The following GPRIN3 variants were observed in gnomAD, a reference collection of about 807,000 sequenced individuals.
GPRIN3 encodes the protein G protein-regulated inducer of neurite outgrowth 3.
A neutral mutation model predicts 13.7 loss-of-function variants in GPRIN3; 12 were observed. The observed-to-expected ratio is 0.87, with a 90% confidence interval of 0.56 to 1.42. The LOEUF is 1.42. Among genes scored for constraint, GPRIN3 ranks in the 40% most tolerant of loss-of-function variants. The pLI is 0.00. For missense variants in GPRIN3, 1,009 were observed against 958.7 expected (o/e 1.05, Z -0.69); for synonymous variants, 377 against 372.7 (o/e 1.01, Z -0.13).
chr4:89,297,145 G>A (rs903488035), intron 1 of GPRIN3, among the ~76,000 whole-genome samples: 1 of 152,102 alleles, frequency 6.6e-6, no homozygotes, highest in African/African-American at 2.4e-5. Flanking sequence ...TCTAGAATGG[G>A]GAATTATTAA....
intron 1 of GPRIN3, among the ~76,000 whole-genome samples, chr4:89,275,136 CTG>C (rs56091424): frequency 2.8e-4 from 41 of 149,068 alleles, no homozygotes; most frequent in Non-Finnish European, 3.3e-4. Context: ...CTAAGTAACT[CTG>C]TGTGTGTGTG....
intron 1 of GPRIN3, among the ~76,000 whole-genome samples, chr4:89,286,354 T>G (rs1478526480): frequency 6.6e-6 from 1 of 152,160 alleles, no homozygotes; most frequent in African/African-American, 2.4e-5. Flanking sequence ...ATAATGATGG[T>G]CTGCAAAATC....
At position 89,244,086 on chromosome 4, in the gene GPRIN3, G is replaced by C. The variant is rs1438311371; in HGVS notation, c.*3694C>G. 1 of 152,062 alleles carries C rather than the reference G, an allele frequency of 6.6e-6. No homozygotes were observed. The highest frequency in any genetic ancestry group is 1.5e-5 in the Non-Finnish European group (1 of 68,002). 9.4% of individuals were successfully genotyped at this position (152,062 alleles called of 1,614,324 possible). ...TCTGTTCTTGGTATGCTATATATAG[G>C]GATTCTCAGAATGACAGGCATTCCC... On this transcript the variant is annotated 3_prime_UTR_variant, in exon 2 of 2. Transcript: ENST00000609438.
chr4:89,290,870 G>A (rs1341967832), intron 1 of GPRIN3, among the ~76,000 whole-genome samples: 2 of 152,258 alleles, frequency 1.3e-5, no homozygotes, highest in East Asian at 3.9e-4. Flanking sequence ...CACACAAACA[G>A]CAGAGGACAC....
At chr4:89,278,754 G>T (rs1724163183) in intron 1 of GPRIN3, among the ~76,000 whole-genome samples, 1 of 152,210 alleles carries the variant, frequency 6.6e-6, no homozygotes. Context: ...TAAGTAACTT[G>T]CTCCAGGTTG....
chr4:89,247,591 A>C lies in GPRIN3; in HGVS notation c.*189T>G, dbSNP rs114316283. ...TTTCTCTTTTCTTGTTCCTTCTTTC[A>C]AATTGAAATGACATTTTTGTTTATA... On this transcript the variant is annotated 3_prime_UTR_variant, in exon 2 of 2. Transcript: ENST00000609438. The C allele has an allele frequency of 0.018, 9,438 of 519,070 alleles. 108 individuals carry two copies. Among genetic ancestry groups the C allele is most frequent in the Non-Finnish European group, 0.024 (7,138 of 298,366 alleles). The allele number at this position is 519,070 out of a possible 1,614,324, so 32.2% of individuals were successfully genotyped here. A position where few individuals can be genotyped will look rare whatever the true frequency, so the allele number is the denominator to read the frequency against.
At position 89,247,364 on chromosome 4, in the gene GPRIN3, C is replaced by T. The variant is rs190761938; in HGVS notation, c.*416G>A. ...AGACTAGAAATTATAACAATGTTTT[C>T]GCCAATAGTGTTTTTGCTACTTTCA... On this transcript the variant is annotated 3_prime_UTR_variant, in exon 2 of 2. Coordinates refer to ENST00000609438, the MANE Select transcript of GPRIN3 (RefSeq NM_198281.3). 299 of 156,242 alleles carry T rather than the reference C, an allele frequency of 1.9e-3. 2 individuals are homozygous for T. The highest frequency in any genetic ancestry group is 6.6e-3 in the African/African-American group (275 of 41,586). 9.7% of individuals were successfully genotyped at this position (156,242 alleles called of 1,614,324 possible). A position where few individuals can be genotyped will look rare whatever the true frequency, so the allele number is the denominator to read the frequency against.
At chr4:89,286,175 G>C (rs1724409368) in intron 1 of GPRIN3, among the ~76,000 whole-genome samples, 1 of 151,924 alleles carries the variant, frequency 6.6e-6, no homozygotes, top group Non-Finnish European at 1.5e-5. Flanking sequence ...TTGAGGAGTT[G>C]TGATATTCTC....
At chr4:89,293,256 G>C (rs1444973959) in intron 1 of GPRIN3, among the ~76,000 whole-genome samples, 1 of 152,136 alleles carries the variant, frequency 6.6e-6, no homozygotes, top group Non-Finnish European at 1.5e-5. Context: ...TCCTTTTATG[G>C]GCTAGCATCC....
intron 1 of GPRIN3, among the ~76,000 whole-genome samples, chr4:89,265,176 C>T (rs1028460528): frequency 1.3e-5 from 2 of 152,092 alleles, no homozygotes; most frequent in African/African-American, 2.4e-5. Context: ...AGTTCAAATG[C>T]TAAGCAATAC....
chr4:89,240,550 C>T lies in GPRIN3; in HGVS notation c.*7230G>A, dbSNP rs1196704450. The T allele has an allele frequency of 6.6e-6, 1 of 152,096 alleles. No individual in the cohort carries two copies. Among genetic ancestry groups the T allele is most frequent in the Non-Finnish European group, 1.5e-5 (1 of 68,016 alleles). 9.4% of individuals were successfully genotyped at this position (152,096 alleles called of 1,614,324 possible). A position where few individuals can be genotyped will look rare whatever the true frequency, so the allele number is the denominator to read the frequency against. ...CTGATACATGTCCAAAAGGAGTCTC[C>T]AAAACATAATCGATTTTCATCCCTG... On this transcript the variant is annotated 3_prime_UTR_variant, in exon 2 of 2. Coordinates refer to ENST00000609438, the MANE Select transcript of GPRIN3 (RefSeq NM_198281.3).
intron 1 of GPRIN3, 94 bp from the exon 2 acceptor site, chr4:89,250,327 A>G (rs2298757): frequency 0.52 from 425,251 of 823,796 alleles, 111,871 homozygotes; most frequent in South Asian, 0.71. Flanking sequence ...CACATTAAAA[A>G]CTTTTCTTCC....
rs543115304 is a variant in GPRIN3 at position 89,267,541 on chromosome 4, C to A, written c.-123-17308G>T. On this transcript the variant is annotated intron_variant, in intron 1 of 1. Transcript: ENST00000609438. The stretch of plus-strand genomic sequence containing the variant: ...CACCCTGACATGGAGGCACATGATG[C>A]ATCTGGTTCAACAGCATTAAAATAC... Among the ~76,000 whole-genome samples the A allele has an allele frequency of 1.4e-4, 22 of 152,288 alleles. No homozygotes were observed. The South Asian group carries it at 4.6e-3, about 32-fold the overall frequency.
At chr4:89,285,392 G>A (rs553791353) in intron 1 of GPRIN3, among the ~76,000 whole-genome samples, 1 of 152,094 alleles carries the variant, frequency 6.6e-6, no homozygotes, top group African/African-American at 2.4e-5. Context: ...GCCTTTATGA[G>A]ATTGATTTGA....
At position 89,277,989 on chromosome 4, in the gene GPRIN3, C is replaced by T. The variant is rs186831942; in HGVS notation, c.-123-27756G>A. On this transcript the variant is annotated intron_variant, in intron 1 of 1. Transcript: ENST00000609438. ...CCGTATTTTCCTTGGGTGATCTCTCCCAATCCCACAGCTTTATAAATCCAT... is the reference window on the plus strand; with the variant it reads ...CCGTATTTTCCTTGGGTGATCTCTCTCAATCCCACAGCTTTATAAATCCAT... Among the ~76,000 whole-genome samples the T allele has an allele frequency of 8.3e-4, 126 of 152,246 alleles. 1 individual carries two copies. In the Middle Eastern group the frequency reaches 0.01, roughly 12 times the overall value.
intron 1 of GPRIN3, among the ~76,000 whole-genome samples, chr4:89,254,101 C>T (rs1342721564): frequency 7.6e-6 from 1 of 131,732 alleles, no homozygotes; most frequent in Non-Finnish European, 1.7e-5. Context: ...TAATGAGTCC[C>T]TTCTACAGAA....
chr4:89,299,431 G>T (rs900131058), intron 1 of GPRIN3, among the ~76,000 whole-genome samples: 6 of 152,088 alleles, frequency 3.9e-5, no homozygotes, highest in African/African-American at 9.7e-5. Context: ...AGTTGACAAG[G>T]CATGAGAGAT....
rs1220526512 is a variant in GPRIN3 at position 89,307,639 on chromosome 4, G to C, written c.-148C>G. 1 of 152,170 alleles carries C rather than the reference G, an allele frequency of 6.6e-6. No homozygotes were observed. Among genetic ancestry groups the C allele is most frequent in the African/African-American group, 2.4e-5 (1 of 41,426 alleles). The allele number at this position is 152,170 out of a possible 1,614,324, so 9.4% of individuals were successfully genotyped here. A position where few individuals can be genotyped will look rare whatever the true frequency, so the allele number is the denominator to read the frequency against. On this transcript the variant is annotated 5_prime_UTR_variant, in exon 1 of 2. Coordinates refer to ENST00000609438, the MANE Select transcript of GPRIN3 (RefSeq NM_198281.3). ...CCTGCTCTGCCCGGCTCCGCGGCGC[G>C]GCGGGGCCACTGCCTGCGCTGTGGC...
intron 1 of GPRIN3, among the ~76,000 whole-genome samples, chr4:89,281,153 C>T (rs533745037): frequency 1.6e-4 from 24 of 151,460 alleles, no homozygotes; most frequent in Non-Finnish European, 3.1e-4. Flanking sequence ...GATAGAGTCT[C>T]GCTCTTGTCA....
Sources: gnomAD v4.1 joint callset for allele counts (sites outside exome capture counted in the v4.1 genomes callset) on GRCh38, gnomAD v4.1.1 for gene constraint, MANE v1.5 for transcripts, NCBI Gene and HGNC (gene_info 2026-07-23, HGNC 2026-07-21) for gene names.